SCAPER: variants seen among roughly 807,000 people sequenced by gnomAD.
The protein encoded by SCAPER is S-phase cyclin A associated protein in the ER.
Under a neutral mutation model 182.2 loss-of-function variants are expected in SCAPER, and 98 were observed. The observed-to-expected ratio is 0.54, with a 90% CI of 0.46 to 0.64. The LOEUF is 0.64. SCAPER is among the 30% of genes least tolerant of loss of function. The pLI, the probability that SCAPER is intolerant of heterozygous loss-of-function variation, is 0.00. For synonymous variants in SCAPER, 605 were observed against 564.6 expected (o/e 1.07, Z -1.01); for missense variants, 1,432 against 1,690.0 (o/e 0.85, Z 2.68).
intron 27 of SCAPER, among the ~76,000 whole-genome samples, chr15:76,396,144 A>G (rs1040802050): frequency 1.3e-5 from 2 of 152,096 alleles, no homozygotes; most frequent in Non-Finnish European, 2.9e-5. Context: ...TTCACTGTAG[A>G]TGAATTTGTT....
intron 23 of SCAPER, among the ~76,000 whole-genome samples, chr15:76,549,623 C>T (rs547677915): frequency 6.6e-6 from 1 of 152,178 alleles, no homozygotes; most frequent in South Asian, 2.1e-4. Context: ...GGAGGGATAG[C>T]ATTAGGAGAT....
At chr15:76,433,866 A>G (rs2047021267) in intron 26 of SCAPER, among the ~76,000 whole-genome samples, 1 of 152,230 alleles carries the variant, frequency 6.6e-6, no homozygotes, top group Admixed American at 6.5e-5. Context: ...GCTGCAAAAG[A>G]GCCTGAATAT....
intron 2 of SCAPER, among the ~76,000 whole-genome samples, chr15:76,879,407 T>C (rs2073389391): frequency 1.3e-5 from 2 of 152,186 alleles, no homozygotes; most frequent in African/African-American, 2.4e-5. Flanking sequence ...CCACAACAAC[T>C]GATCCAGAGG....
At chr15:76,722,659 G>A (rs1216438154) in intron 17 of SCAPER, among the ~76,000 whole-genome samples, 1 of 151,986 alleles carries the variant, frequency 6.6e-6, no homozygotes, top group Non-Finnish European at 1.5e-5. Flanking sequence ...GTCTTGGGAG[G>A]GTGTATGTGT....
intron 23 of SCAPER, among the ~76,000 whole-genome samples, chr15:76,534,696 A>G (rs1317029341): frequency 6.6e-6 from 1 of 152,182 alleles, no homozygotes; most frequent in Admixed American, 6.5e-5. Flanking sequence ...AGCTTTCCTG[A>G]AAAGTTATAA....
rs561843511 is a variant in SCAPER, at chr15:76,590,017, C to A, written c.2712-15733G>T. The stretch of plus-strand genomic sequence containing the variant: ...TTCCCACTTTCACAATTTGGGCACT[C>A]ACAGTATTTGGACTGTCTCCCAGTG... On this transcript the variant is annotated intron_variant, in intron 22 of 31. Coordinates refer to ENST00000563290, the MANE Select transcript of SCAPER (RefSeq NM_020843.4). Among the ~76,000 whole-genome samples the A allele has an allele frequency of 2.1e-3, 318 of 152,316 alleles. 2 individuals carry two copies. Among genetic ancestry groups the A allele is most frequent in the African/African-American group, 7.3e-3 (303 of 41,580 alleles).
intron 8 of SCAPER, among the ~76,000 whole-genome samples, chr15:76,779,996 C>T (rs2064005904): frequency 6.6e-6 from 1 of 152,218 alleles, no homozygotes. Flanking sequence ...GCATTTCCAA[C>T]TGAGGTACCT....
At chr15:76,588,550 G>C (rs547882077) in intron 22 of SCAPER, among the ~76,000 whole-genome samples, 1 of 152,238 alleles carries the variant, frequency 6.6e-6, no homozygotes, top group Admixed American at 6.5e-5. Flanking sequence ...TACCCATTCT[G>C]CAATTCTGTA....
At chr15:76,419,978 C>T (rs936766562) in intron 26 of SCAPER, among the ~76,000 whole-genome samples, 1 of 152,016 alleles carries the variant, frequency 6.6e-6, no homozygotes, top group African/African-American at 2.4e-5. Context: ...AAGGATGGTT[C>T]AACATATGGA....
intron 21 of SCAPER, among the ~76,000 whole-genome samples, chr15:76,637,736 ATATATATGTGTGTGTGTGTGTG>A (rs1567666612): frequency 1.0e-4 from 3 of 29,260 alleles, no homozygotes; most frequent in African/African-American, 2.9e-4. Flanking sequence ...ATATATATAT[ATATATATGTGTGTGTGTGTGTG>A]TGTGTGTGTG....
chr15:76,349,997 T>C (rs1000465851), intron 31 of SCAPER: 8 of 152,190 alleles, frequency 5.3e-5, no homozygotes, highest in African/African-American at 1.4e-4. Context: ...TGCTGTACAA[T>C]TGAAAATAAA....
At chr15:76,690,153 A>G (rs1272121256) in intron 20 of SCAPER, among the ~76,000 whole-genome samples, 1 of 152,192 alleles carries the variant, frequency 6.6e-6, no homozygotes, top group Non-Finnish European at 1.5e-5. Context: ...GTGGCAAGAA[A>G]TAAGTTATAA....
intron 21 of SCAPER, among the ~76,000 whole-genome samples, chr15:76,635,241 C>T (rs2053489966): frequency 6.6e-6 from 1 of 152,144 alleles, no homozygotes; most frequent in Non-Finnish European, 1.5e-5. Context: ...CTAGACAGGA[C>T]ATCACTTCAT....
rs562284810 is a variant in SCAPER, at chr15:76,506,553, A to G, written c.2839-1579T>C. On this transcript the variant is annotated intron_variant, in intron 23 of 31. Coordinates refer to ENST00000563290, the MANE Select transcript of SCAPER (RefSeq NM_020843.4). The stretch of plus-strand genomic sequence containing the variant: ...TCAACTATATAATGGGGAAAGGGTC[A>G]GGATAGGCTTCTCTGAGAAAATTGA... 1.1e-4 allele frequency among the ~76,000 whole-genome samples: 17 copies of G among 152,290 alleles called. No individual in the cohort carries two copies. In the South Asian group the frequency reaches 3.3e-3, roughly 30 times the overall value.
chr15:76,782,234 A>G (rs954189462), intron 8 of SCAPER, among the ~76,000 whole-genome samples: 2 of 152,184 alleles, frequency 1.3e-5, no homozygotes, highest in Non-Finnish European at 2.9e-5. Context: ...AGGGGTTGCA[A>G]TCCTAGTCTC....
At chr15:76,475,710 G>C (rs1314434148) in intron 24 of SCAPER, among the ~76,000 whole-genome samples, 1 of 152,176 alleles carries the variant, frequency 6.6e-6, no homozygotes, top group East Asian at 1.9e-4. Flanking sequence ...GAGTTGCTCT[G>C]GCTGAAGCAG....
rs144159437 is a variant in SCAPER, at chr15:76,511,829, T to TTATATA, written c.2839-6861_2839-6856dup. The stretch of plus-strand genomic sequence containing the variant: ...AGGAAGGCTGACAAAGATACACTTA[T>TTATATA]TATATATATATATATGTGTGTGTGT... On this transcript the variant is annotated intron_variant, in intron 23 of 31. Transcript: ENST00000563290. 1.6e-3 allele frequency among the ~76,000 whole-genome samples: 221 copies of TTATATA among 136,838 alleles called. 1 individual carries two copies. Among genetic ancestry groups the TTATATA allele is most frequent in the African/African-American group, 3.7e-3 (135 of 36,390 alleles). The allele number at this position is 136,838 out of a possible 152,430, so 89.8% of individuals were successfully genotyped here.
At chr15:76,635,449 G>C (rs934517481) in intron 21 of SCAPER, among the ~76,000 whole-genome samples, 3 of 152,104 alleles carry the variant, frequency 2.0e-5, no homozygotes, top group Admixed American at 2.0e-4. Flanking sequence ...TTTTCCTCAT[G>C]AATGTTATAA....
chr15:76,546,922 CT>C (rs1316485376), intron 23 of SCAPER, among the ~76,000 whole-genome samples: 1 of 152,068 alleles, frequency 6.6e-6, no homozygotes, highest in Non-Finnish European at 1.5e-5. Flanking sequence ...ATGCTACAAA[CT>C]TATCCCCTTC....
Sources: allele counts gnomAD v4.1 joint callset (sites outside exome capture counted in the v4.1 genomes callset), GRCh38; gene constraint gnomAD v4.1.1; transcripts MANE v1.5; gene names NCBI Gene and HGNC (gene_info 2026-07-23, HGNC 2026-07-21).